MSI2: variants seen among roughly 807,000 people sequenced by gnomAD.
The protein encoded by MSI2 is musashi RNA binding protein 2.
Under a neutral mutation model 45.6 loss-of-function variants are expected in MSI2, and 17 were observed. That is an observed-to-expected ratio of 0.37 (90% CI 0.26 to 0.56). MSI2 has a LOEUF of 0.56. MSI2 is among the 20% of genes least tolerant of loss of function. MSI2 has a pLI of 0.77. For synonymous variants in MSI2, 156 were observed against 158.2 expected (o/e 0.99, Z 0.11); for missense variants, 293 against 444.2 (o/e 0.66, Z 3.06).
intron 5 of MSI2, among the ~76,000 whole-genome samples, chr17:57,341,303 A>G (rs1915130802): frequency 6.6e-6 from 1 of 152,202 alleles, no homozygotes; most frequent in Non-Finnish European, 1.5e-5. Flanking sequence ...AGGTCTGAGA[A>G]GAACTGGGAT....
intron 6 of MSI2, among the ~76,000 whole-genome samples, chr17:57,511,616 G>A (rs1184614341): frequency 1.3e-5 from 2 of 148,188 alleles, no homozygotes; most frequent in East Asian, 2.0e-4. Context: ...TTGATGCAGC[G>A]TACTAACCCC....
At chr17:57,365,677 A>G (rs1917135089) in intron 5 of MSI2, among the ~76,000 whole-genome samples, 1 of 152,186 alleles carries the variant, frequency 6.6e-6, no homozygotes. Flanking sequence ...AGAAGACCCA[A>G]TAGAAGGCCA....
chr17:57,319,195 G>A (rs1217193137), intron 5 of MSI2, among the ~76,000 whole-genome samples: 1 of 152,250 alleles, frequency 6.6e-6, no homozygotes, highest in Non-Finnish European at 1.5e-5. Flanking sequence ...GTGCGACAGG[G>A]GCGAAGCCTG....
rs571157828 is a variant in MSI2, at chr17:57,302,454, C to T, written c.312+40262C>T. On this transcript the variant is annotated intron_variant, in intron 5 of 13. Coordinates refer to ENST00000284073, the MANE Select transcript of MSI2 (RefSeq NM_138962.4). ...ACAATAAATTAGTGTTAACTATAGTCACTTGACTATTCTGTCGAACACTAA... is the reference window on the plus strand; with the variant it reads ...ACAATAAATTAGTGTTAACTATAGTTACTTGACTATTCTGTCGAACACTAA... Among the ~76,000 whole-genome samples, 4 of 152,288 alleles carry T rather than the reference C, an allele frequency of 2.6e-5. No homozygotes were observed. In the South Asian group the frequency reaches 8.3e-4, roughly 32 times the overall value.
At chr17:57,266,200 C>T (rs2143226774) in intron 5 of MSI2, 1 of 152,238 alleles carries the variant, frequency 6.6e-6, no homozygotes, top group Non-Finnish European at 1.5e-5. Context: ...ACTTAAGCCT[C>T]CCCAAGGCTC....
intron 5 of MSI2, among the ~76,000 whole-genome samples, chr17:57,387,831 G>A (rs985306792): frequency 6.6e-6 from 1 of 152,238 alleles, no homozygotes; most frequent in Non-Finnish European, 1.5e-5. Flanking sequence ...GGAAGGGAAG[G>A]TGGTGGGGAG....
chr17:57,473,710 T>C (rs1157642794), intron 6 of MSI2, among the ~76,000 whole-genome samples: 1 of 152,132 alleles, frequency 6.6e-6, no homozygotes, highest in African/African-American at 2.4e-5. Flanking sequence ...GAACAGAGGA[T>C]GTTTGGTTGC....
intron 5 of MSI2, among the ~76,000 whole-genome samples, chr17:57,314,666 G>A (rs1005454064): frequency 1.4e-5 from 2 of 146,388 alleles, no homozygotes; most frequent in African/African-American, 5.1e-5. Flanking sequence ...CCCACTCCCT[G>A]GTTCAAGTGA....
At chr17:57,557,015 A>C (rs2087451241) in intron 7 of MSI2, among the ~76,000 whole-genome samples, 1 of 152,116 alleles carries the variant, frequency 6.6e-6, no homozygotes, top group Non-Finnish European at 1.5e-5. Context: ...CCTGAAATGG[A>C]GAAGGGACTT....
At chr17:57,399,967 G>A (rs947693029) in intron 5 of MSI2, among the ~76,000 whole-genome samples, 2 of 152,164 alleles carry the variant, frequency 1.3e-5, no homozygotes, top group African/African-American at 4.8e-5. Flanking sequence ...CAGATACGCC[G>A]GGAGCCTCTG....
intron 5 of MSI2, among the ~76,000 whole-genome samples, chr17:57,293,112 TA>T (rs377673393): frequency 0.024 from 3,488 of 143,552 alleles, 40 homozygotes; most frequent in African/African-American, 0.046. Flanking sequence ...TCATTAAGGT[TA>T]AAAAAAAAAA....
intron 5 of MSI2, among the ~76,000 whole-genome samples, chr17:57,294,185 C>T (rs558989837): frequency 6.6e-6 from 1 of 152,246 alleles, no homozygotes; most frequent in Admixed American, 6.5e-5. Context: ...TGACCAGCCA[C>T]AAATTGGATA....
intron 6 of MSI2, among the ~76,000 whole-genome samples, chr17:57,447,682 A>T (rs1238392668): frequency 2.0e-5 from 3 of 151,984 alleles, no homozygotes; most frequent in African/African-American, 7.3e-5. Context: ...CCCTCAGAGG[A>T]TGGATCATCC....
intron 5 of MSI2, among the ~76,000 whole-genome samples, chr17:57,334,379 A>T (rs1277439397): frequency 4.6e-5 from 7 of 151,964 alleles, no homozygotes; most frequent in Admixed American, 4.6e-4. Flanking sequence ...TCCCTTGGAG[A>T]GCTGTCTGAG....
chr17:57,379,265 A>G (rs1272086304), intron 5 of MSI2, among the ~76,000 whole-genome samples: 1 of 151,732 alleles, frequency 6.6e-6, no homozygotes, highest in Admixed American at 6.6e-5. Context: ...ACCTGCCTCT[A>G]CTACTCGATC....
chr17:57,322,301 G>T (rs1027297003), intron 5 of MSI2, among the ~76,000 whole-genome samples: 6 of 152,212 alleles, frequency 3.9e-5, no homozygotes, highest in Non-Finnish European at 5.9e-5. Flanking sequence ...TGTCTTGTCT[G>T]TTTGGGTGTC....
intron 5 of MSI2, among the ~76,000 whole-genome samples, chr17:57,375,616 A>C (rs1027990466): frequency 1.3e-5 from 2 of 152,172 alleles, no homozygotes; most frequent in Non-Finnish European, 2.9e-5. Context: ...ATGATGTAAC[A>C]TTATCACATT....
At chr17:57,675,871 C>T (rs1249816878) in intron 12 of MSI2, among the ~76,000 whole-genome samples, 10 of 152,242 alleles carry the variant, frequency 6.6e-5, no homozygotes, top group Non-Finnish European at 1.3e-4. Flanking sequence ...ATTTGCTTAA[C>T]AGATTTGCAT....
At position 57,529,598 on chromosome 17, in the gene MSI2, C is replaced by T. The variant is rs1192326860; in HGVS notation, c.406-78C>T. The T allele has an allele frequency of 7.5e-7, 1 of 1,325,756 alleles. No homozygotes were observed. Among genetic ancestry groups the T allele is most frequent in the East Asian group, 2.3e-5 (1 of 42,778 alleles). 82.1% of individuals were successfully genotyped at this position (1,325,756 alleles called of 1,614,324 possible). On this transcript the variant is annotated intron_variant, in intron 6 of 13. Coordinates refer to ENST00000284073, the MANE Select transcript of MSI2 (RefSeq NM_138962.4). The surrounding 1 kb of genome is among the most constrained non-coding windows in gnomAD (Gnocchi z 5.3). ...TTCTGTAATGGAAACTACCCCCTCA[C>T]CCCCCGACATGCATATAATGTTTTG...
Sources: gnomAD v4.1 joint callset for allele counts (sites outside exome capture counted in the v4.1 genomes callset) on GRCh38, gnomAD v4.1.1 for gene constraint, Gnocchi (gnomAD v3.1) non-coding constraint, MANE v1.5 for transcripts, NCBI Gene and HGNC (gene_info 2026-07-23, HGNC 2026-07-21) for gene names.